USP24: variants seen among roughly 807,000 people sequenced by gnomAD.
The protein encoded by USP24 is ubiquitin carboxyl-terminal hydrolase 24.
A neutral mutation model predicts 361.6 loss-of-function variants in USP24; 97 were observed. The observed-to-expected ratio is 0.27, with a 90% confidence interval of 0.23 to 0.32. The LOEUF (loss-of-function observed/expected upper bound fraction) is 0.32, where lower values mean the gene tolerates loss of function less well. Ranked by LOEUF, USP24 falls within the 10% of genes least tolerant of loss-of-function variation. The pLI, the probability that USP24 is intolerant of heterozygous loss-of-function variation, is 1.00. For synonymous variants in USP24, 1,098 were observed against 1,124.6 expected (o/e 0.98, Z 0.47); for missense variants, 2,353 against 3,165.6 (o/e 0.74, Z 6.16).
chr1:55,118,850 C>A (rs1646196031), intron 38 of USP24, among the ~76,000 whole-genome samples: 1 of 152,112 alleles, frequency 6.6e-6, no homozygotes, highest in African/African-American at 2.4e-5. Flanking sequence ...CCACAGATGC[C>A]AATTCACATG....
At chr1:55,073,772 T>C in intron 64 of USP24, 56 bp downstream of exon 64, 2 of 1,471,194 alleles carry the variant, frequency 1.4e-6, no homozygotes, top group Non-Finnish European at 1.9e-6. Flanking sequence ...CTTCTGCTCA[T>C]ATGTGACTTG....
chr1:55,156,890 C>A, intron 12 of USP24, 58 bp downstream of exon 12: 1 of 1,253,902 alleles, frequency 8.0e-7, no homozygotes, highest in Non-Finnish European at 1.2e-6. Flanking sequence ...TCACCCTTTT[C>A]GCTCTCCTGT....
intron 46 of USP24, 41 bp downstream of exon 46, chr1:55,098,435 A>AG: frequency 6.5e-7 from 1 of 1,546,008 alleles, no homozygotes; most frequent in Non-Finnish European, 8.9e-7. Flanking sequence ...TCACTTCAAA[A>AG]GGATGATCAT....
intron 23 of USP24, 50 bp downstream of exon 23, chr1:55,142,692 G>GA: frequency 3.2e-6 from 4 of 1,236,718 alleles, no homozygotes; most frequent in South Asian, 1.5e-5. Flanking sequence ...AATTATGAAA[G>GA]AAAAAAAGCA....
intron 56 of USP24, chr1:55,084,253 A>G (rs1241976838): frequency 5.4e-6 from 1 of 186,268 alleles, no homozygotes; most frequent in African/African-American, 2.4e-5. Flanking sequence ...CCACTACGTT[A>G]CTTCTTCACA....
chr1:55,107,698 C>T (rs1356557631), intron 39 of USP24, among the ~76,000 whole-genome samples: 3 of 151,612 alleles, frequency 2.0e-5, no homozygotes, highest in African/African-American at 4.8e-5. Context: ...AAAAATTACA[C>T]GGGCACGGTG....
At chr1:55,162,759 C>A (rs904486585) in intron 7 of USP24, among the ~76,000 whole-genome samples, 1 of 152,128 alleles carries the variant, frequency 6.6e-6, no homozygotes, top group Non-Finnish European at 1.5e-5. Context: ...AAATTTAATG[C>A]AATTCCAAAC....
chr1:55,119,894 T>C (rs1219623828), intron 38 of USP24, among the ~76,000 whole-genome samples: 1 of 152,146 alleles, frequency 6.6e-6, no homozygotes, highest in Non-Finnish European at 1.5e-5. Flanking sequence ...TTTAGGATGA[T>C]GCAAAAGTTT....
Position 55,215,236 on chromosome 1 carries a change from C to G in USP24, c.-123G>C, listed in dbSNP as rs1644961100. 4 of 781,448 alleles carry G rather than the reference C, an allele frequency of 5.1e-6. No homozygotes were observed. Among genetic ancestry groups the G allele is most frequent in the Non-Finnish European group, 3.4e-6 (2 of 592,674 alleles). 48.4% of individuals were successfully genotyped at this position (781,448 alleles called of 1,614,324 possible). ...CCAGGTTGGCCCCTGCGTTCCTGCC[C>G]CGGGTGCTCCGCAGCAGCCGGGCCA... On this transcript the variant is annotated 5_prime_UTR_variant, in exon 1 of 68. Transcript: ENST00000294383.
At chr1:55,161,375 A>G (rs1648262592) in intron 8 of USP24, among the ~76,000 whole-genome samples, 3 of 151,408 alleles carry the variant, frequency 2.0e-5, no homozygotes. Context: ...CTGTCTGGAA[A>G]AAAAAAAAAA....
rs1570387424 is a variant in USP24, at chr1:55,094,780, C to T, written c.6203+475G>A. On this transcript the variant is annotated intron_variant, in intron 51 of 67. Transcript: ENST00000294383. ...TTGGGAGGCCTAGATGGGAGTATTGCTTGAGCCCAGGAGTTCCAGACCAGC... is the reference window on the plus strand; with the variant it reads ...TTGGGAGGCCTAGATGGGAGTATTGTTTGAGCCCAGGAGTTCCAGACCAGC... Among the ~76,000 whole-genome samples, 4 of 150,488 alleles carry T rather than the reference C, an allele frequency of 2.7e-5. No individual in the cohort carries two copies. In the South Asian group the frequency reaches 8.4e-4, roughly 32 times the overall value.
chr1:55,175,727 C>A (rs1649917971), intron 3 of USP24, among the ~76,000 whole-genome samples: 2 of 152,168 alleles, frequency 1.3e-5, no homozygotes, highest in Non-Finnish European at 2.9e-5. Context: ...CAGACACAGT[C>A]CTTGCTCTAA....
intron 1 of USP24, among the ~76,000 whole-genome samples, chr1:55,188,218 A>T (rs1194844382): frequency 6.6e-6 from 1 of 152,204 alleles, no homozygotes; most frequent in Non-Finnish European, 1.5e-5. Flanking sequence ...AATATACACA[A>T]GCAAAAGAAT....
intron 40 of USP24, among the ~76,000 whole-genome samples, chr1:55,106,968 T>C (rs1645791183): frequency 6.6e-6 from 1 of 152,028 alleles, no homozygotes; most frequent in South Asian, 2.1e-4. Flanking sequence ...AAGAGAAAAA[T>C]CTACTTTGAA....
chr1:55,195,297 A>C (rs751707986), intron 1 of USP24, among the ~76,000 whole-genome samples: 1 of 152,216 alleles, frequency 6.6e-6, no homozygotes, highest in Non-Finnish European at 1.5e-5. Flanking sequence ...CTCTCTGCCT[A>C]GGTGGCCCTT....
chr1:55,124,396 C>T, intron 35 of USP24, 73 bp downstream of exon 35: 1 of 1,507,094 alleles, frequency 6.6e-7, no homozygotes, highest in Non-Finnish European at 8.9e-7. Context: ...GTGACTCTGG[C>T]AAACCTACAC....
In USP24 at chr1:55,128,880, A is replaced by T. The variant is rs185798631; in HGVS notation, c.3635+597T>A. Among the ~76,000 whole-genome samples, 65 of 151,414 alleles carry T rather than the reference A, an allele frequency of 4.3e-4. No homozygotes were observed. In the East Asian group the frequency reaches 0.012, roughly 29 times the overall value. The stretch of plus-strand genomic sequence containing the variant: ...CAAGTGCATGTCATCACACTCAACT[A>T]TTTTTTTATTTTTATTTTTAGTAGA... On this transcript the variant is annotated intron_variant, in intron 32 of 67. Transcript: ENST00000294383.
chr1:55,206,341 A>C (rs1371996108), intron 1 of USP24, among the ~76,000 whole-genome samples: 1 of 152,196 alleles, frequency 6.6e-6, no homozygotes, highest in Non-Finnish European at 1.5e-5. Context: ...GTAGTGGTGT[A>C]AGACAAGTGT....
chr1:55,188,914 C>A (rs149437562), intron 1 of USP24, among the ~76,000 whole-genome samples: 1 of 136,762 alleles, frequency 7.3e-6, no homozygotes, highest in East Asian at 2.1e-4. Context: ...GAGCAGAGAT[C>A]GCGCCACCCA....
Sources: allele counts gnomAD v4.1 joint callset (sites outside exome capture counted in the v4.1 genomes callset), GRCh38; gene constraint gnomAD v4.1.1; transcripts MANE v1.5; gene names NCBI Gene and HGNC (gene_info 2026-07-23, HGNC 2026-07-21).